Variants in ASIC4 observed in about 807,000 individuals in gnomAD.
ASIC4 encodes acid-sensing ion channel 4.
In ASIC4, 28 loss-of-function variants were observed where a neutral mutation model predicts 53.4. The ratio of observed to expected loss-of-function variants is 0.52; its 90% CI spans 0.39 to 0.72. The LOEUF (loss-of-function observed/expected upper bound fraction) is 0.72. ASIC4 is among the 30% of genes least tolerant of loss of function. The pLI, the probability that ASIC4 is intolerant of heterozygous loss-of-function variation, is 0.00. For synonymous variants in ASIC4, 289 were observed against 301.4 expected (o/e 0.96, Z 0.43); for missense variants, 649 against 729.7 (o/e 0.89, Z 1.27).
upstream of ASIC4, among the ~76,000 whole-genome samples, chr2:219,511,473 C>A (rs1258918819): frequency 6.6e-6 from 1 of 152,056 alleles, no homozygotes; most frequent in East Asian, 1.9e-4. The surrounding 1 kb of genome is among the most constrained non-coding windows in gnomAD (Gnocchi z 5.3). Flanking sequence ...GAAGCTCATC[C>A]CCTGGGGGGC....
At chr2:219,511,590 C>A (rs941443356), upstream of ASIC4, among the ~76,000 whole-genome samples, 2 of 152,156 alleles carry the variant, frequency 1.3e-5, no homozygotes, top group African/African-American at 4.8e-5. The surrounding 1 kb of genome is among the most constrained non-coding windows in gnomAD (Gnocchi z 5.3). Context: ...CACCCAGCTC[C>A]CCGGCACTCC....
At chr2:219,525,470 C>T (rs1208949159) in intron 1 of ASIC4, among the ~76,000 whole-genome samples, 4 of 152,186 alleles carry the variant, frequency 2.6e-5, no homozygotes, top group Non-Finnish European at 5.9e-5. Context: ...GATGTTGGCC[C>T]GTGAACCTGG....
rs188431148 is a variant in ASIC4, at chr2:219,527,940, G to A, written c.583-3818G>A. On this transcript the variant is annotated intron_variant, in intron 1 of 9. Coordinates refer to ENST00000358078, the MANE Select transcript of ASIC4 (RefSeq NM_018674.6). ...TTCATGGTCCCATGGGTGAGGCTGA[G>A]CTTCAGAGACACCACAACGGTGCCT... Among the ~76,000 whole-genome samples the A allele has an allele frequency of 7.9e-5, 12 of 152,366 alleles. No homozygotes were observed. In the East Asian group the frequency reaches 1.9e-3, roughly 24 times the overall value.
At chr2:219,512,447 T>C (rs936281014), upstream of ASIC4, among the ~76,000 whole-genome samples, 3 of 151,568 alleles carry the variant, frequency 2.0e-5, no homozygotes, top group African/African-American at 7.3e-5. Context: ...AAAGTAACCT[T>C]AAAAAGCAAT....
intron 6 of ASIC4, among the ~76,000 whole-genome samples, 191 bp downstream of exon 6, chr2:219,535,515 TGG>T (rs548417454): frequency 2.0e-5 from 3 of 151,010 alleles, no homozygotes; most frequent in Non-Finnish European, 3.0e-5. Flanking sequence ...TGTGTCTGTG[TGG>T]GGGGCATGTA....
chr2:219,519,597 T>C (rs996224808), intron 1 of ASIC4, among the ~76,000 whole-genome samples: 8 of 152,252 alleles, frequency 5.3e-5, no homozygotes, highest in Admixed American at 5.2e-4. Context: ...CACCTGTGCT[T>C]GTCCAACTTG....
chr2:219,526,460 G>T (rs1171707240), intron 1 of ASIC4, among the ~76,000 whole-genome samples: 1 of 152,196 alleles, frequency 6.6e-6, no homozygotes, highest in Non-Finnish European at 1.5e-5. Context: ...AGTGCAGTGG[G>T]CAAGGGACAA....
upstream of ASIC4, among the ~76,000 whole-genome samples, chr2:219,509,963 G>A (rs542930807): frequency 3.9e-5 from 6 of 152,136 alleles, no homozygotes; most frequent in East Asian, 1.2e-3. This position sits in a 1 kb window ranked among gnomAD's most constrained non-coding sequence, Gnocchi z 5.2. Flanking sequence ...TCGGTAGTGC[G>A]TCCCTCTGCT....
At position 219,535,023 on chromosome 2, in the gene ASIC4, C is replaced by G. The variant is rs1695105009; in HGVS notation, c.1076-148C>G. On this transcript the variant is annotated intron_variant, in intron 5 of 9. Coordinates refer to ENST00000358078, the MANE Select transcript of ASIC4 (RefSeq NM_018674.6). ...CAGGCGGGGACCTGCAGCCAGTCCC[C>G]TCTAGGAAGCACTGGGGCTGGCCAG... 2.4e-6 allele frequency: 3 copies of G among 1,228,206 alleles called. No individual in the cohort carries two copies. The South Asian group carries it at 4.5e-5, about 18-fold the overall frequency. 76.1% of individuals were successfully genotyped at this position (1,228,206 alleles called of 1,614,324 possible).
intron 6 of ASIC4, 133 bp downstream of exon 6, chr2:219,535,457 G>A: frequency 1.9e-6 from 2 of 1,047,376 alleles, no homozygotes; most frequent in Non-Finnish European, 2.7e-6. Context: ...GTGGGTGTGG[G>A]TGTGTATGTG....
chr2:219,535,772 CTTT>C (rs869106424), intron 6 of ASIC4, among the ~76,000 whole-genome samples: 1 of 128,698 alleles, frequency 7.8e-6, no homozygotes, highest in Admixed American at 8.0e-5. Context: ...TCTTCTCCTT[CTTT>C]TTTTTTTTTT....
At chr2:219,533,576 C>T (rs1297031213) in intron 5 of ASIC4, 2 of 157,280 alleles carry the variant, frequency 1.3e-5, no homozygotes, top group Non-Finnish European at 2.8e-5. Flanking sequence ...GGGAGGATTC[C>T]TAGAGGAAGG....
intron 1 of ASIC4, among the ~76,000 whole-genome samples, chr2:219,526,619 A>G (rs1483528573): frequency 6.6e-6 from 1 of 152,134 alleles, no homozygotes; most frequent in East Asian, 1.9e-4. Context: ...GAAGGACTCG[A>G]GAGACAGACT....
chr2:219,532,625 T>C (rs1695062104), intron 4 of ASIC4, 148 bp downstream of exon 4: 1 of 1,175,654 alleles, frequency 8.5e-7, no homozygotes, highest in African/African-American at 1.5e-5. Context: ...GTGTTTGGGA[T>C]TTTTAAACAT....
At chr2:219,511,653 C>T (rs1366285523), upstream of ASIC4, among the ~76,000 whole-genome samples, 1 of 152,108 alleles carries the variant, frequency 6.6e-6, no homozygotes, top group East Asian at 1.9e-4. This position sits in a 1 kb window ranked among gnomAD's most constrained non-coding sequence, Gnocchi z 5.3. Context: ...CAGCTCAGGG[C>T]CTGGCCAGCC....
In ASIC4 at chr2:219,537,868, G is replaced by A; in HGVS notation, c.1507-65G>A. 1 of 1,494,522 alleles carries A rather than the reference G, an allele frequency of 6.7e-7. No individual in the cohort carries two copies. The highest frequency in any genetic ancestry group is 9.1e-7 in the Non-Finnish European group (1 of 1,092,918). 92.6% of individuals were successfully genotyped at this position (1,494,522 alleles called of 1,614,324 possible). On this transcript the variant is annotated intron_variant, in intron 9 of 9. Transcript: ENST00000358078. This position sits in a 1 kb window ranked among gnomAD's most constrained non-coding sequence, Gnocchi z 4.9. Reference sequence around the variant, plus strand: ...CCGAGGTGACAAGGAAAGGCTGGCGGTGTGAGCCCTGGGGGCACCACTTGA... The same window carrying A: ...CCGAGGTGACAAGGAAAGGCTGGCGATGTGAGCCCTGGGGGCACCACTTGA...
upstream of ASIC4, among the ~76,000 whole-genome samples, chr2:219,510,137 C>G (rs1398164257): frequency 6.6e-6 from 1 of 152,064 alleles, no homozygotes. The surrounding 1 kb of genome is among the most constrained non-coding windows in gnomAD (Gnocchi z 5.2). Context: ...TCACAGCCCT[C>G]ACTTTTCCCA....
At chr2:219,533,626 G>A (rs1193858096) in intron 5 of ASIC4, 1 of 154,320 alleles carries the variant, frequency 6.5e-6, no homozygotes, top group Non-Finnish European at 1.4e-5. Flanking sequence ...TAAGAGTCAG[G>A]TGCAAAGGGG....
intron 5 of ASIC4, chr2:219,533,678 TCCGG>T: frequency 6.5e-6 from 1 of 153,336 alleles, no homozygotes. Context: ...GCATGCTGTG[TCCGG>T]GGCACTGAAA....
Sources: gnomAD v4.1 joint callset for allele counts (sites outside exome capture counted in the v4.1 genomes callset) on GRCh38, gnomAD v4.1.1 for gene constraint, Gnocchi (gnomAD v3.1) non-coding constraint, MANE v1.5 for transcripts, NCBI Gene and HGNC (gene_info 2026-07-23, HGNC 2026-07-21) for gene names.